Variants in PC observed in about 807,000 individuals in gnomAD.
PC encodes the protein pyruvate carboxylase, also known as pyruvate carboxylase, mitochondrial.
In PC, 46 loss-of-function variants were observed where a neutral mutation model predicts 107.8. The observed-to-expected ratio is 0.43, with a 90% CI of 0.34 to 0.55. The LOEUF (loss-of-function observed/expected upper bound fraction) is 0.55. Among genes scored for constraint, PC ranks in the 20% least tolerant of loss-of-function variants. The pLI, the probability that PC is intolerant of heterozygous loss-of-function variation, is 0.04. For synonymous variants in PC, 662 were observed against 684.7 expected, an observed-to-expected ratio of 0.97 and a Z score of 0.52; for missense variants, 1,241 against 1,643.1, an observed-to-expected ratio of 0.76 and a Z score of 4.23.
intron 3 of PC, among the ~76,000 whole-genome samples, chr11:66,892,187 C>A (rs528267583): frequency 1.3e-5 from 2 of 152,088 alleles, no homozygotes; most frequent in Non-Finnish European, 2.9e-5. Context: ...AACAAGGCTG[C>A]GAGGCTCGGG....
At chr11:66,922,493 G>T (rs1422394016) in intron 3 of PC, among the ~76,000 whole-genome samples, 1 of 142,884 alleles carries the variant, frequency 7.0e-6, no homozygotes, top group African/African-American at 2.6e-5. Context: ...AGAATCGCTT[G>T]AACCCAGAAG....
chr11:66,884,540 G>A (rs1239013497), intron 3 of PC, among the ~76,000 whole-genome samples: 1 of 152,190 alleles, frequency 6.6e-6, no homozygotes, highest in Non-Finnish European at 1.5e-5. Flanking sequence ...ACACACAAAT[G>A]TCCCATACAT....
intron 3 of PC, among the ~76,000 whole-genome samples, chr11:66,898,305 C>T (rs1224443581): frequency 6.6e-6 from 1 of 152,240 alleles, no homozygotes; most frequent in Non-Finnish European, 1.5e-5. Flanking sequence ...GCCGACTGCG[C>T]TGCCCTTCAG....
At position 66,853,372 on chromosome 11, in the gene PC, G is replaced by A; in HGVS notation, c.1380C>T (p.Ala460=). ...GGTTGTTGAGCACATTCTGCAGGAA[G>A]GCGATGTTGGTCTGCAGGACAGAGG... The part of the protein sequence containing the change: ...FRVRGVKTNI[A]FLQNVLNNQQ... The change falls in exon 13 of 23, where the codon GCC becomes GCT. Residue 460 remains alanine, a synonymous_variant. Transcript: ENST00000393960. 6.2e-7 allele frequency: 1 copy of A among 1,614,108 alleles called. No homozygotes were observed. Among genetic ancestry groups the A allele is most frequent in the South Asian group, 1.1e-5 (1 of 91,086 alleles).
rs1945527835 is a variant in PC at position 66,852,031 on chromosome 11, C to T, written c.1826-85G>A. The T allele has an allele frequency of 7.1e-6, 10 of 1,414,468 alleles. No individual in the cohort carries two copies. In the South Asian group the frequency reaches 1.2e-4, roughly 17 times the overall value. The allele number at this position is 1,414,468 out of a possible 1,614,324, so 87.6% of individuals were successfully genotyped here. A position where few individuals can be genotyped will look rare whatever the true frequency, so the allele number is the denominator to read the frequency against. ...TTGGAGCTAGCTCTGCAGCACAAGC[C>T]TCTGGCCCCAATACCAGGTCCTGCT... On this transcript the variant is annotated intron_variant, in intron 15 of 22. Coordinates refer to ENST00000393960, the MANE Select transcript of PC (RefSeq NM_001040716.2). The surrounding 1 kb of genome is among the most constrained non-coding windows in gnomAD (Gnocchi z 4.7).
chr11:66,849,260 G>C lies in PC; in HGVS notation c.3258C>G (p.Ser1086=), dbSNP rs138238125. The C allele has an allele frequency of 7.7e-4, 1,240 of 1,613,574 alleles. No homozygotes were observed. Among genetic ancestry groups the C allele is most frequent in the Non-Finnish European group, 1.0e-3 (1,184 of 1,180,038 alleles). ...TGGCCTGGGTGTCCTTGACCAAGAT[G>C]GACCGCAGCTGCCCATTGAGCTCAA... ...VFFELNGQLR[S]ILVKDTQAMK... Residue 1086 remains serine, a synonymous_variant, in exon 22 of 23, where the codon TCC becomes TCG. Transcript: ENST00000393960.
At chr11:66,902,951 C>T (rs1259102501) in intron 3 of PC, among the ~76,000 whole-genome samples, 3 of 152,240 alleles carry the variant, frequency 2.0e-5, no homozygotes, top group South Asian at 2.1e-4. Flanking sequence ...TGCGGCAAGC[C>T]GGGCTGTCAG....
rs748516996 is a variant in PC, at chr11:66,863,824, C to A, written c.1318G>T (p.Ala440Ser). 6.2e-7 allele frequency: 1 copy of A among 1,613,608 alleles called. No homozygotes were observed. The highest frequency in any genetic ancestry group is 8.5e-7 in the Non-Finnish European group (1 of 1,179,980). Residue 440 changes from alanine to serine, a missense_variant, in exon 12 of 23, where the codon GCC (alanine) becomes TCC (serine). Physicochemically the swap from Ala to Ser is moderately conservative, Grantham distance 99. Coordinates refer to ENST00000393960, the MANE Select transcript of PC (RefSeq NM_001040716.2). ...IAHGKDHPTA[A>S]TKMSRALAEF... is the part of the protein sequence containing the mutation. Reference sequence around the variant, plus strand: ...GCAAGGGCCCTGCTCATCTTGGTGGCGGCCGTGGGGTGGTCTTTGCCGTGG... The same window carrying A: ...GCAAGGGCCCTGCTCATCTTGGTGGAGGCCGTGGGGTGGTCTTTGCCGTGG...
intron 3 of PC, among the ~76,000 whole-genome samples, chr11:66,915,799 A>G (rs889795452): frequency 1.3e-5 from 2 of 152,238 alleles, no homozygotes; most frequent in Admixed American, 1.3e-4. Context: ...GGTGCTGACA[A>G]GCACATGGTG....
At chr11:66,851,661 C>G in intron 16 of PC, 129 bp downstream of exon 16, 1 of 972,472 alleles carries the variant, frequency 1.0e-6, no homozygotes, top group Non-Finnish European at 1.6e-6. Flanking sequence ...CAAACAGCAG[C>G]CCCTGCTGCG....
At chr11:66,914,656 A>G (rs533259453) in intron 3 of PC, among the ~76,000 whole-genome samples, 19 of 152,358 alleles carry the variant, frequency 1.2e-4, no homozygotes, top group Admixed American at 3.9e-4. Context: ...CCAGGCAAGG[A>G]GGCATTTAAT....
chr11:66,902,989 C>A (rs1948014638), intron 3 of PC, among the ~76,000 whole-genome samples: 1 of 152,248 alleles, frequency 6.6e-6, no homozygotes, highest in African/African-American at 2.4e-5. Flanking sequence ...CACCGCAGCC[C>A]ATCCACCTGC....
chr11:66,958,169 G>A (rs143006278), intron 1 of PC, among the ~76,000 whole-genome samples, 153 bp downstream of exon 1: 1,905 of 151,990 alleles, frequency 0.013, 41 homozygotes, highest in African/African-American at 0.044. Flanking sequence ...CGCACAGCCC[G>A]TCGCTGTCTC....
intron 3 of PC, among the ~76,000 whole-genome samples, chr11:66,887,762 C>A (rs912542932): frequency 1.3e-5 from 2 of 152,188 alleles, no homozygotes; most frequent in Non-Finnish European, 2.9e-5. Context: ...TGGAGTGATG[C>A]CAAAAGTCCC....
chr11:66,896,771 T>C (rs934651218), intron 3 of PC, among the ~76,000 whole-genome samples: 13 of 152,232 alleles, frequency 8.5e-5, no homozygotes, highest in Non-Finnish European at 7.3e-5. Flanking sequence ...ACAATGTGGA[T>C]GCTGTGAAAA....
chr11:66,868,955 CG>C lies in PC; in HGVS notation c.912del (p.Tyr304Ter), dbSNP rs1946615254. On this transcript the variant is annotated frameshift_variant, in exon 10 of 23. Coordinates refer to ENST00000393960, the MANE Select transcript of PC (RefSeq NM_001040716.2). LOFTEE classifies it high-confidence loss of function. Reference sequence around the variant, plus strand: ...AGGAACTCCACGGTGCCTGCGTTCTCGTAGCCCACCTGTGGGGGCGGCCACG... The same window carrying C: ...AGGAACTCCACGGTGCCTGCGTTCTCTAGCCCACCTGTGGGGGCGGCCACG... ...DSVKLAKQVG[Y>X]ENAGTVEFLV... 6.2e-7 allele frequency: 1 copy of C among 1,613,446 alleles called. No homozygotes were observed. Among genetic ancestry groups the C allele is most frequent in the East Asian group, 2.2e-5 (1 of 44,878 alleles).
intron 3 of PC, among the ~76,000 whole-genome samples, chr11:66,888,134 T>G (rs1053336736): frequency 2.6e-5 from 4 of 152,218 alleles, no homozygotes; most frequent in African/African-American, 9.6e-5. Flanking sequence ...TTCTTCCTTC[T>G]AAGGTAACAA....
rs1946763206 is a variant in PC, at chr11:66,872,140, A to G, written c.20T>C (p.Val7Ala). The G allele has an allele frequency of 1.3e-6, 2 of 1,581,296 alleles. No homozygotes were observed. Among genetic ancestry groups the G allele is most frequent in the Admixed American group, 1.8e-5 (1 of 55,494 alleles). MLKFRT[V>A]HGGLRLLGIR... ...TCCCAGGAGCCTCAGGCCCCCATGGACTGTTCGGAACTTCAGCATCTAGGG... is the reference window on the plus strand; with the variant it reads ...TCCCAGGAGCCTCAGGCCCCCATGGGCTGTTCGGAACTTCAGCATCTAGGG... Residue 7 changes from valine to alanine, a missense_variant, in exon 4 of 23, where the codon GTC becomes GCC. This residue lies in a region of PC where 1,143 missense variants were observed against 1,551.9 expected (regional missense o/e 0.74). Coordinates refer to ENST00000393960, the MANE Select transcript of PC (RefSeq NM_001040716.2).
chr11:66,859,208 G>T (rs903609817), intron 12 of PC: 11 of 1,293,900 alleles, frequency 8.5e-6, no homozygotes, highest in Non-Finnish European at 1.1e-5. Context: ...CCCCCTCCCC[G>T]ACCATGGCTG....
Sources: gnomAD v4.1 joint callset for allele counts (sites outside exome capture counted in the v4.1 genomes callset) on GRCh38, gnomAD v4.1.1 for gene constraint, gnomAD v4.1.1 regional missense constraint, Gnocchi (gnomAD v3.1) non-coding constraint, MANE v1.5 for transcripts, NCBI Gene and HGNC (gene_info 2026-07-23, HGNC 2026-07-21) for gene names.